Variants in GRM8 observed in about 807,000 individuals in gnomAD.
GRM8 encodes metabotropic glutamate receptor 8.
In GRM8, 47 loss-of-function variants were observed where a neutral mutation model predicts 87.2. That is an observed-to-expected ratio of 0.54 (90% CI 0.43 to 0.69). GRM8 has a LOEUF of 0.69. Ranked by LOEUF, GRM8 falls within the 30% of genes least tolerant of loss-of-function variation. GRM8 has a pLI of 0.00. For synonymous variants in GRM8, 396 were observed against 404.5 expected, an observed-to-expected ratio of 0.98 and a Z score of 0.25; for missense variants, 1,019 against 1,139.2, an observed-to-expected ratio of 0.89 and a Z score of 1.52.
intron 9 of GRM8, among the ~76,000 whole-genome samples, chr7:126,467,983 A>G (rs984016163): frequency 6.6e-6 from 1 of 152,096 alleles, no homozygotes; most frequent in East Asian, 1.9e-4. Context: ...ATGATTTAAT[A>G]TAATCAAACT....
chr7:127,026,620 T>C (rs1277921971), intron 3 of GRM8, among the ~76,000 whole-genome samples: 2 of 152,224 alleles, frequency 1.3e-5, no homozygotes, highest in Non-Finnish European at 2.9e-5. Context: ...CATTTTTTCA[T>C]GTGTTTTTTG....
At chr7:127,050,585 A>G (rs781464505) in intron 3 of GRM8, among the ~76,000 whole-genome samples, 12 of 152,304 alleles carry the variant, frequency 7.9e-5, no homozygotes, top group South Asian at 2.1e-4. Context: ...AAGGGGAAGG[A>G]AAGTTCTGAA....
intron 2 of GRM8, among the ~76,000 whole-genome samples, chr7:127,232,389 C>A (rs140968524): frequency 1.3e-5 from 2 of 152,230 alleles, no homozygotes; most frequent in Non-Finnish European, 2.9e-5. Flanking sequence ...TGCTACCACA[C>A]CCAGCTAATT....
intron 3 of GRM8, among the ~76,000 whole-genome samples, chr7:127,018,431 T>C (rs1306227605): frequency 6.7e-6 from 1 of 148,906 alleles, no homozygotes; most frequent in Admixed American, 6.7e-5. Flanking sequence ...TTTTTTTTTT[T>C]ACCATTTCCT....
chr7:126,914,409 C>T (rs1233119078), intron 3 of GRM8, among the ~76,000 whole-genome samples: 1 of 152,082 alleles, frequency 6.6e-6, no homozygotes, highest in Non-Finnish European at 1.5e-5. Flanking sequence ...CCCAGCAACC[C>T]CATTACTTGA....
chr7:126,528,718 G>A (rs1007953383), intron 9 of GRM8, among the ~76,000 whole-genome samples: 1 of 151,482 alleles, frequency 6.6e-6, no homozygotes, highest in Non-Finnish European at 1.5e-5. Flanking sequence ...GTCTTCTCTA[G>A]TTCGAGAACA....
At chr7:126,968,487 G>A (rs1204800581) in intron 3 of GRM8, among the ~76,000 whole-genome samples, 1 of 152,106 alleles carries the variant, frequency 6.6e-6, no homozygotes, top group African/African-American at 2.4e-5. Flanking sequence ...AATTAACAAG[G>A]AAGCAATCCT....
chr7:127,047,299 C>T (rs1358173812), intron 3 of GRM8, among the ~76,000 whole-genome samples: 1 of 152,310 alleles, frequency 6.6e-6, no homozygotes, highest in East Asian at 1.9e-4. Context: ...AAAAACTGCT[C>T]ACCCTGATAT....
chr7:127,021,911 A>G (rs1816313394), intron 3 of GRM8, among the ~76,000 whole-genome samples: 1 of 152,068 alleles, frequency 6.6e-6, no homozygotes. Context: ...GGATTTTTTA[A>G]CAATTTTGTG....
intron 9 of GRM8, among the ~76,000 whole-genome samples, chr7:126,529,922 A>C (rs1814535685): frequency 6.6e-6 from 1 of 152,198 alleles, no homozygotes; most frequent in Non-Finnish European, 1.5e-5. Flanking sequence ...CCAAAGGTGC[A>C]TTTATACCAT....
intron 7 of GRM8, among the ~76,000 whole-genome samples, chr7:126,662,726 T>C (rs767459067): frequency 1.1e-4 from 17 of 152,130 alleles, no homozygotes; most frequent in Non-Finnish European, 1.8e-4. Flanking sequence ...AAGAAAAATA[T>C]TCTATTTTTT....
chr7:126,564,614 G>T (rs1002966746), intron 8 of GRM8, among the ~76,000 whole-genome samples: 1 of 152,232 alleles, frequency 6.6e-6, no homozygotes. Flanking sequence ...AAAGAAAAGT[G>T]CAGGACCAGA....
chr7:126,903,567 C>CAT lies in GRM8; in HGVS notation c.1018+404_1018+405insAT, dbSNP rs1433130248. 3.6e-3 allele frequency among the ~76,000 whole-genome samples: 38 copies of CAT among 10,636 alleles called. 1 individual carries two copies. Among genetic ancestry groups the CAT allele is most frequent in the African/African-American group, 0.023 (34 of 1,472 alleles). The allele number at this position is 10,636 out of a possible 152,430, so 7.0% of individuals were successfully genotyped here. A position where few individuals can be genotyped will look rare whatever the true frequency, so the allele number is the denominator to read the frequency against. Reference sequence around the variant, plus strand: ...ATGGGTCCTCTTTCCTAAATACATACACACACACACACACACACACACACA... The same window carrying CAT: ...ATGGGTCCTCTTTCCTAAATACATACATACACACACACACACACACACACACA... On this transcript the variant is annotated intron_variant, in intron 5 of 10. Coordinates refer to ENST00000339582, the MANE Select transcript of GRM8 (RefSeq NM_000845.3).
chr7:126,803,969 T>A (rs563379701), intron 6 of GRM8, among the ~76,000 whole-genome samples: 7 of 152,334 alleles, frequency 4.6e-5, no homozygotes, highest in African/African-American at 1.4e-4. Context: ...CCTGACTGAT[T>A]GAGTACCTTT....
chr7:127,220,441 A>T (rs540972738), intron 2 of GRM8, among the ~76,000 whole-genome samples: 9 of 152,322 alleles, frequency 5.9e-5, no homozygotes, highest in Non-Finnish European at 1.2e-4. Flanking sequence ...ATGTTGACAG[A>T]ATACAAAAAG....
chr7:127,106,392 T>C, intron 3 of GRM8, 104 bp downstream of exon 3: 2 of 855,028 alleles, frequency 2.3e-6, no homozygotes, highest in Non-Finnish European at 3.8e-6. Flanking sequence ...CATGCATCTG[T>C]AGGAGTTCCA....
At chr7:126,671,714 T>C (rs778916351) in intron 7 of GRM8, among the ~76,000 whole-genome samples, 1 of 152,188 alleles carries the variant, frequency 6.6e-6, no homozygotes, top group African/African-American at 2.4e-5. Flanking sequence ...TGGGAATAAA[T>C]AGGATGCCCA....
intron 2 of GRM8, among the ~76,000 whole-genome samples, chr7:127,183,699 A>C (rs1794595807): frequency 6.6e-6 from 1 of 151,786 alleles, no homozygotes; most frequent in African/African-American, 2.4e-5. Context: ...TAAATCAATA[A>C]AATTTTAAAC....
At chr7:126,705,408 C>T (rs916675204) in intron 7 of GRM8, among the ~76,000 whole-genome samples, 4 of 152,098 alleles carry the variant, frequency 2.6e-5, no homozygotes, top group African/African-American at 9.7e-5. Flanking sequence ...TTATGATTGC[C>T]ATACATTGAA....
Sources: allele counts gnomAD v4.1 joint callset (sites outside exome capture counted in the v4.1 genomes callset), GRCh38; gene constraint gnomAD v4.1.1; transcripts MANE v1.5; gene names NCBI Gene and HGNC (gene_info 2026-07-23, HGNC 2026-07-21).